Variants in TNKS observed in about 807,000 individuals in gnomAD.
TNKS encodes the protein poly [ADP-ribose] polymerase tankyrase-1.
In TNKS, 72 loss-of-function variants were observed where a neutral mutation model predicts 135.8. The ratio of observed to expected loss-of-function variants is 0.53; its 90% CI spans 0.44 to 0.64. The LOEUF is 0.64. Among genes scored for constraint, TNKS ranks in the 30% least tolerant of loss-of-function variants. The pLI, the probability that TNKS is intolerant of heterozygous loss-of-function variation, is 0.00. For synonymous variants in TNKS, 849 were observed against 649.3 expected, an observed-to-expected ratio of 1.31 and a Z score of -4.68; for missense variants, 1,769 against 1,674.0, an observed-to-expected ratio of 1.06 and a Z score of -0.99.
At chr8:9,627,613 C>T (rs1280642791) in intron 3 of TNKS, among the ~76,000 whole-genome samples, 1 of 152,122 alleles carries the variant, frequency 6.6e-6, no homozygotes, top group Non-Finnish European at 1.5e-5. Flanking sequence ...AAACTCCCCA[C>T]ACATTCAGTC....
intron 5 of TNKS, among the ~76,000 whole-genome samples, chr8:9,689,203 A>T (rs921308029): frequency 1.3e-5 from 2 of 152,158 alleles, no homozygotes; most frequent in African/African-American, 4.8e-5. Flanking sequence ...TCTCACACAT[A>T]TGCATATTAA....
chr8:9,582,904 C>G (rs1235285973), intron 2 of TNKS, among the ~76,000 whole-genome samples: 2 of 152,046 alleles, frequency 1.3e-5, no homozygotes, highest in Non-Finnish European at 1.5e-5. Context: ...CGGTGGCTCA[C>G]GTCTGTTATC....
intron 20 of TNKS, among the ~76,000 whole-genome samples, chr8:9,759,461 C>T (rs1232772385): frequency 6.6e-6 from 1 of 152,228 alleles, no homozygotes; most frequent in Admixed American, 6.5e-5. Flanking sequence ...GAGCTCCTCT[C>T]AGCCTTGCCT....
At chr8:9,746,872 C>G (rs1806261646) in intron 17 of TNKS, among the ~76,000 whole-genome samples, 1 of 136,046 alleles carries the variant, frequency 7.4e-6, no homozygotes, top group Non-Finnish European at 1.5e-5. Context: ...AGTTTCATAC[C>G]TACTTAAACT....
chr8:9,725,397 T>C (rs1471086707), intron 12 of TNKS, among the ~76,000 whole-genome samples: 1 of 152,208 alleles, frequency 6.6e-6, no homozygotes, highest in African/African-American at 2.4e-5. Flanking sequence ...CTCTCTTTTT[T>C]CCTCCCTTAA....
chr8:9,565,336 C>G (rs1412218672), intron 1 of TNKS, among the ~76,000 whole-genome samples: 2 of 152,042 alleles, frequency 1.3e-5, no homozygotes, highest in South Asian at 2.1e-4. Context: ...AATTTTTTCT[C>G]TATCCCTTTT....
chr8:9,610,641 A>G (rs770312011), intron 2 of TNKS, among the ~76,000 whole-genome samples: 27 of 152,116 alleles, frequency 1.8e-4, no homozygotes, highest in Non-Finnish European at 3.7e-4. Context: ...ATGTAATCCT[A>G]TTTTTGAAAC....
chr8:9,590,377 T>C (rs1406353990), intron 2 of TNKS, among the ~76,000 whole-genome samples: 1 of 152,238 alleles, frequency 6.6e-6, no homozygotes, highest in Non-Finnish European at 1.5e-5. Flanking sequence ...GACAAAGCTG[T>C]CATAATTTCT....
chr8:9,633,792 GAA>G (rs1376520760), intron 3 of TNKS, among the ~76,000 whole-genome samples: 3 of 152,200 alleles, frequency 2.0e-5, no homozygotes, highest in Admixed American at 6.5e-5. Context: ...TAGCCAGTGA[GAA>G]ACTGAGGCTT....
At chr8:9,666,942 T>G (rs1006137342) in intron 3 of TNKS, among the ~76,000 whole-genome samples, 1 of 152,130 alleles carries the variant, frequency 6.6e-6, no homozygotes, top group Non-Finnish European at 1.5e-5. Flanking sequence ...ATAAAGAAAT[T>G]CTATCAAGAA....
At chr8:9,768,284 C>G (rs1013709674) in intron 25 of TNKS, among the ~76,000 whole-genome samples, 1 of 152,092 alleles carries the variant, frequency 6.6e-6, no homozygotes, top group Admixed American at 6.5e-5. Flanking sequence ...GCAGAGCAAC[C>G]GCAGTGAGGT....
chr8:9,740,575 C>A (rs903421583), intron 17 of TNKS, among the ~76,000 whole-genome samples: 1 of 152,006 alleles, frequency 6.6e-6, no homozygotes, highest in African/African-American at 2.4e-5. Flanking sequence ...AACTATGCTT[C>A]CAAGTATGAT....
chr8:9,603,084 G>T (rs59201801), intron 2 of TNKS, among the ~76,000 whole-genome samples: 2 of 151,154 alleles, frequency 1.3e-5, no homozygotes, highest in Admixed American at 6.6e-5. Context: ...ATGGAGTCTC[G>T]CTTTATCGCC....
intron 3 of TNKS, among the ~76,000 whole-genome samples, chr8:9,638,988 ATTGTATT>A (rs1371558671): frequency 2.0e-5 from 3 of 152,166 alleles, no homozygotes; most frequent in African/African-American, 7.2e-5. Context: ...TGTCTTGAAA[ATTGTATT>A]AACAGAGTTT....
chr8:9,676,759 A>G (rs1802561063), intron 3 of TNKS, among the ~76,000 whole-genome samples: 1 of 150,500 alleles, frequency 6.6e-6, no homozygotes, highest in Non-Finnish European at 1.5e-5. Context: ...TTACTATTTT[A>G]CCAGTAAAAA....
chr8:9,777,794 A>C lies in TNKS; in HGVS notation c.*1058A>C, dbSNP rs976536264. On this transcript the variant is annotated 3_prime_UTR_variant, in exon 27 of 27. Transcript: ENST00000310430. ...TTTCAAAAGTCAGTGAAATTACTGCACTTGATGAGGGTCACAAAAATACCA... is the reference window on the plus strand; with the variant it reads ...TTTCAAAAGTCAGTGAAATTACTGCCCTTGATGAGGGTCACAAAAATACCA... The C allele has an allele frequency of 1.3e-5, 2 of 152,204 alleles. No individual in the cohort carries two copies. The highest frequency in any genetic ancestry group is 2.9e-5 in the Non-Finnish European group (2 of 68,026). The allele number at this position is 152,204 out of a possible 1,614,324, so 9.4% of individuals were successfully genotyped here.
At chr8:9,558,997 A>G (rs1005897696) in intron 1 of TNKS, among the ~76,000 whole-genome samples, 4 of 152,200 alleles carry the variant, frequency 2.6e-5, no homozygotes, top group Admixed American at 2.0e-4. Flanking sequence ...TGTTTTAAAG[A>G]TGAGAAATTG....
At chr8:9,591,666 T>C (rs1798595671) in intron 2 of TNKS, among the ~76,000 whole-genome samples, 1 of 152,200 alleles carries the variant, frequency 6.6e-6, no homozygotes, top group South Asian at 2.1e-4. Context: ...TGGGTCTTAG[T>C]TGGATGTGTG....
intron 3 of TNKS, among the ~76,000 whole-genome samples, chr8:9,657,131 T>C (rs1801416561): frequency 4.6e-5 from 6 of 130,376 alleles, no homozygotes; most frequent in African/African-American, 1.1e-4. Context: ...CAATGAGCTG[T>C]TGGGCACACC....
Sources: allele counts gnomAD v4.1 joint callset (sites outside exome capture counted in the v4.1 genomes callset), GRCh38; gene constraint gnomAD v4.1.1; transcripts MANE v1.5; gene names NCBI Gene and HGNC (gene_info 2026-07-23, HGNC 2026-07-21).